The following NUBPL variants were observed in gnomAD, a reference collection of about 807,000 sequenced individuals.
NUBPL encodes NUBP iron-sulfur cluster assembly factor, mitochondrial, also known as iron-sulfur cluster transfer protein NUBPL.
NUBPL carries 31 observed loss-of-function variants against 45.7 expected under a neutral mutation model. The observed-to-expected ratio is 0.68, with a 90% CI of 0.51 to 0.92. The LOEUF is 0.92. Among genes scored for constraint, NUBPL ranks in the 40% least tolerant of loss-of-function variants. The pLI, the probability that NUBPL is intolerant of heterozygous loss-of-function variation, is 0.00. For missense variants in NUBPL, 401 were observed against 398.7 expected, an observed-to-expected ratio of 1.01 and a Z score of -0.05; for synonymous variants, 144 against 140.9, an observed-to-expected ratio of 1.02 and a Z score of -0.15.
At chr14:31,665,053 T>G (rs2036371940) in intron 4 of NUBPL, among the ~76,000 whole-genome samples, 1 of 152,216 alleles carries the variant, frequency 6.6e-6, no homozygotes, top group Admixed American at 6.5e-5. Flanking sequence ...TGTATTTCTG[T>G]GGGTTCAGTG....
chr14:31,687,266 A>G (rs2036974928), intron 6 of NUBPL, among the ~76,000 whole-genome samples: 1 of 152,242 alleles, frequency 6.6e-6, no homozygotes, highest in East Asian at 1.9e-4. Flanking sequence ...CAACTTGAAA[A>G]AACTTGCAGA....
chr14:31,851,739 T>C (rs1440281026), intron 10 of NUBPL, among the ~76,000 whole-genome samples: 1 of 134,580 alleles, frequency 7.4e-6, no homozygotes, highest in Non-Finnish European at 1.5e-5. Context: ...TCTTTGAAAA[T>C]TGAGGGTTTT....
chr14:31,777,910 G>A (rs1458581138), intron 6 of NUBPL, among the ~76,000 whole-genome samples: 1 of 152,198 alleles, frequency 6.6e-6, no homozygotes, highest in Non-Finnish European at 1.5e-5. Flanking sequence ...CATGAGTGGT[G>A]AAGCAGGCAG....
At chr14:31,852,582 A>G (rs2040553768) in intron 10 of NUBPL, among the ~76,000 whole-genome samples, 1 of 152,138 alleles carries the variant, frequency 6.6e-6, no homozygotes, top group African/African-American at 2.4e-5. Flanking sequence ...GAGGCAGGAG[A>G]ATCACTTCAT....
At chr14:31,573,576 C>T (rs1405613912) in intron 3 of NUBPL, among the ~76,000 whole-genome samples, 1 of 152,170 alleles carries the variant, frequency 6.6e-6, no homozygotes, top group African/African-American at 2.4e-5. Flanking sequence ...TGGAATATAG[C>T]TGAAAGAATC....
At chr14:31,645,537 C>T (rs2035824484) in intron 4 of NUBPL, among the ~76,000 whole-genome samples, 1 of 152,088 alleles carries the variant, frequency 6.6e-6, no homozygotes, top group Admixed American at 6.5e-5. Flanking sequence ...ACTTGTAACT[C>T]CTCTCTTCCT....
intron 3 of NUBPL, among the ~76,000 whole-genome samples, chr14:31,593,561 C>A (rs1229627229): frequency 7.0e-6 from 1 of 142,114 alleles, no homozygotes; most frequent in African/African-American, 2.6e-5. Context: ...GGTATGGGGG[C>A]GGAGGTGTCC....
chr14:31,714,735 G>A (rs1431122084), intron 6 of NUBPL: 1 of 152,140 alleles, frequency 6.6e-6, no homozygotes, highest in Non-Finnish European at 1.5e-5. Context: ...GATTTGGAGG[G>A]GAGAAACATC....
At chr14:31,682,650 T>C (rs1044359626) in intron 6 of NUBPL, among the ~76,000 whole-genome samples, 2 of 152,200 alleles carry the variant, frequency 1.3e-5, no homozygotes, top group Non-Finnish European at 2.9e-5. Flanking sequence ...CTCCATTAGG[T>C]CCTTAGCTAT....
chr14:31,738,833 G>A lies in NUBPL; in HGVS notation c.514-48947G>A, dbSNP rs545002493. Among the ~76,000 whole-genome samples, 15 of 152,110 alleles carry A rather than the reference G, an allele frequency of 9.9e-5. No homozygotes were observed. The East Asian group carries it at 1.9e-3, about 20-fold the overall frequency. On this transcript the variant is annotated intron_variant, in intron 6 of 10. Transcript: ENST00000281081. ...TTTAAAAATTACATTTTATTGAATA[G>A]GTATATCCATTCCCTGTTTCATCAA... is the stretch of plus-strand genomic sequence containing the variant.
At chr14:31,715,496 A>T (rs1192535394) in intron 6 of NUBPL, among the ~76,000 whole-genome samples, 1 of 152,234 alleles carries the variant, frequency 6.6e-6, no homozygotes, top group African/African-American at 2.4e-5. Context: ...GGCATAGCCT[A>T]TTGCTCCTAG....
At chr14:31,737,379 A>G (rs559788647) in intron 6 of NUBPL, among the ~76,000 whole-genome samples, 34 of 152,348 alleles carry the variant, frequency 2.2e-4, no homozygotes, top group African/African-American at 6.0e-4. Context: ...CCAGCACTTA[A>G]TTACAGTGGT....
At chr14:31,764,977 CT>C (rs1437553393) in intron 6 of NUBPL, among the ~76,000 whole-genome samples, 2 of 152,166 alleles carry the variant, frequency 1.3e-5, no homozygotes, top group East Asian at 3.8e-4. Flanking sequence ...TTCTCAAAAT[CT>C]TTTGTGTTAT....
chr14:31,562,972 G>A (rs2033339499), intron 2 of NUBPL: 1 of 153,560 alleles, frequency 6.5e-6, no homozygotes. Flanking sequence ...AGATGTTTTG[G>A]AAAAGTTAAG....
intron 7 of NUBPL, among the ~76,000 whole-genome samples, chr14:31,795,097 G>C (rs1287011567): frequency 6.8e-6 from 1 of 147,328 alleles, no homozygotes; most frequent in Non-Finnish European, 1.5e-5. Flanking sequence ...CTATATCTCT[G>C]TTTTGGTACC....
chr14:31,621,132 C>T (rs993721414), intron 4 of NUBPL, among the ~76,000 whole-genome samples: 7 of 152,172 alleles, frequency 4.6e-5, no homozygotes, highest in Admixed American at 1.3e-4. Context: ...TGCTCCTCCC[C>T]CTACGAAGGT....
intron 6 of NUBPL, among the ~76,000 whole-genome samples, chr14:31,738,666 A>T (rs2038212491): frequency 6.6e-6 from 1 of 152,210 alleles, no homozygotes; most frequent in Non-Finnish European, 1.5e-5. Flanking sequence ...CTCTGGTAGC[A>T]ACTACTGTGT....
intron 3 of NUBPL, among the ~76,000 whole-genome samples, chr14:31,568,544 T>G (rs1307064409): frequency 1.3e-5 from 2 of 152,224 alleles, no homozygotes; most frequent in African/African-American, 2.4e-5. Context: ...ATTCATCAAA[T>G]GAATCTTCGG....
chr14:31,846,880 C>G (rs2040461742), intron 9 of NUBPL, among the ~76,000 whole-genome samples: 1 of 151,832 alleles, frequency 6.6e-6, no homozygotes, highest in African/African-American at 2.4e-5. Flanking sequence ...GGCATGAACC[C>G]TGGAGGCGGA....
Sources: allele counts gnomAD v4.1 joint callset (sites outside exome capture counted in the v4.1 genomes callset), GRCh38; gene constraint gnomAD v4.1.1; transcripts MANE v1.5; gene names NCBI Gene and HGNC (gene_info 2026-07-23, HGNC 2026-07-21).